PTPRN2: variants seen among roughly 807,000 people sequenced by gnomAD.
The protein encoded by PTPRN2 is receptor-type tyrosine-protein phosphatase N2.
A neutral mutation model predicts 118.8 loss-of-function variants in PTPRN2; 74 were observed. The observed-to-expected ratio is 0.62, with a 90% CI of 0.52 to 0.76. The LOEUF (loss-of-function observed/expected upper bound fraction) is 0.76. Ranked by LOEUF, PTPRN2 falls within the 30% of genes least tolerant of loss-of-function variation. The pLI, the probability that PTPRN2 is intolerant of heterozygous loss-of-function variation, is 0.00. For missense variants in PTPRN2, 1,481 were observed against 1,394.4 expected (o/e 1.06, Z -0.99); for synonymous variants, 641 against 608.0 (o/e 1.05, Z -0.80).
chr7:158,174,511 T>TCATCCACACCATCCACAGCAG, intron 5 of PTPRN2, among the ~76,000 whole-genome samples: 1 of 151,774 alleles, frequency 6.6e-6, no homozygotes, highest in Non-Finnish European at 1.5e-5. Context: ...AGCACCATCA[T>TCATCCACACCATCCACAGCAG]CATCCACACC....
chr7:157,799,610 C>T (rs1258914515), intron 12 of PTPRN2, among the ~76,000 whole-genome samples: 1 of 152,144 alleles, frequency 6.6e-6, no homozygotes, highest in Non-Finnish European at 1.5e-5. Context: ...AGCGTGTGCT[C>T]CTCAGGCCCA....
At position 158,136,624 on chromosome 7, in the gene PTPRN2, C is replaced by T. The variant is rs184166798; in HGVS notation, c.1173+31G>A. The T allele has an allele frequency of 2.6e-5, 41 of 1,604,716 alleles. No individual in the cohort carries two copies. The East Asian group carries it at 8.0e-4, about 31-fold the overall frequency. On this transcript the variant is annotated intron_variant, in intron 8 of 22. Transcript: ENST00000389418. ...AAAGATCACCAACTTCCACATTTAACATGAAACAAACACCAGAGACGTCAT... is the reference window on the plus strand; with the variant it reads ...AAAGATCACCAACTTCCACATTTAATATGAAACAAACACCAGAGACGTCAT...
rs117351623 is a variant in PTPRN2, at chr7:158,323,426, G to A, written c.164-6494C>T. Among the ~76,000 whole-genome samples the A allele has an allele frequency of 6.0e-3, 914 of 152,360 alleles. 7 individuals carry two copies. The highest frequency in any genetic ancestry group is 0.014 in the South Asian group (68 of 4,828). On this transcript the variant is annotated intron_variant, in intron 2 of 22. Transcript: ENST00000389418. The stretch of plus-strand genomic sequence containing the variant: ...ACTGCCTCTGGGACCGGAATGGACA[G>A]TGCTAAAGACAGTGAGAGAAGGAAT...
At chr7:157,777,952 C>T (rs1322648722) in intron 12 of PTPRN2, among the ~76,000 whole-genome samples, 2 of 149,288 alleles carry the variant, frequency 1.3e-5, no homozygotes, top group Non-Finnish European at 3.0e-5. Flanking sequence ...ATTAAAGGAC[C>T]TTTAGAAAAA....
At position 157,604,079 on chromosome 7, in the gene PTPRN2, C is replaced by T; in HGVS notation, c.2345-4G>A. ...AGCAGGACCCGGGAGTGGTCATCTG[C>T]AAGGACACAGTGCAGGGGTCAGAGG... On this transcript the variant is annotated splice_polypyrimidine_tract_variant and splice_region_variant and intron_variant, in intron 15 of 22. Coordinates refer to ENST00000389418, the MANE Select transcript of PTPRN2 (RefSeq NM_002847.5). 1 of 1,613,612 alleles carries T rather than the reference C, an allele frequency of 6.2e-7. No individual in the cohort carries two copies. The highest frequency in any genetic ancestry group is 8.5e-7 in the Non-Finnish European group (1 of 1,179,908).
At chr7:158,180,280 G>T (rs1278668542) in intron 5 of PTPRN2, among the ~76,000 whole-genome samples, 1 of 152,208 alleles carries the variant, frequency 6.6e-6, no homozygotes, top group East Asian at 1.9e-4. Context: ...AGATCAGTTG[G>T]TTGTAAGTGT....
Position 158,274,344 on chromosome 7 carries a change from A to AGGAGCCGCAGACACGGG in PTPRN2, c.277+42474_277+42475insCCCGTGTCTGCGGCTCC, listed in dbSNP as rs11402798. ...CCACAGGGGGAGCCGCAGACGCGGG[A>AGGAGCCGCAGACACGGG]GAGCCACAGACACAGGGGGAGCCGC... On this transcript the variant is annotated intron_variant, in intron 3 of 22. Transcript: ENST00000389418. Among the ~76,000 whole-genome samples the AGGAGCCGCAGACACGGG allele has an allele frequency of 2.4e-4, 27 of 112,888 alleles. 2 individuals are homozygous for AGGAGCCGCAGACACGGG. The highest frequency in any genetic ancestry group is 9.5e-4 in the African/African-American group (24 of 25,270). 74.1% of individuals were successfully genotyped at this position (112,888 alleles called of 152,430 possible).
chr7:157,752,537 CTCT>C (rs1801540060), intron 12 of PTPRN2, among the ~76,000 whole-genome samples: 1 of 152,136 alleles, frequency 6.6e-6, no homozygotes, highest in Non-Finnish European at 1.5e-5. Flanking sequence ...CGCGCACTCT[CTCT>C]TCTGCTTCCC....
At chr7:158,460,013 C>A (rs1325153640) in intron 2 of PTPRN2, among the ~76,000 whole-genome samples, 1 of 60,890 alleles carries the variant, frequency 1.6e-5, no homozygotes, top group African/African-American at 6.9e-5. Flanking sequence ...ACATGCTCCT[C>A]CTAGAGGGGC....
chr7:158,247,205 G>A (rs1214127223), intron 3 of PTPRN2, among the ~76,000 whole-genome samples: 2 of 152,190 alleles, frequency 1.3e-5, no homozygotes, highest in African/African-American at 4.8e-5. Context: ...CCCCCAGCAT[G>A]GCCAGGAGCA....
rs867939095 is a variant in PTPRN2 at position 158,334,712 on chromosome 7, G to T, written c.164-17780C>A. 6.5e-3 allele frequency among the ~76,000 whole-genome samples: 63 copies of T among 9,626 alleles called. 1 individual carries two copies. The highest frequency in any genetic ancestry group is 0.12 in the Middle Eastern group (1 of 8). The allele number at this position is 9,626 out of a possible 152,430, so 6.3% of individuals were successfully genotyped here. On this transcript the variant is annotated intron_variant, in intron 2 of 22. Transcript: ENST00000389418. ...ACTCTCACCATAAGAGGTGACACCT[G>T]CAGACGTCACACCCACACTCTCACC... is the stretch of plus-strand genomic sequence containing the variant.
At chr7:157,835,199 A>AGAGAACTCT (rs1262276150) in intron 12 of PTPRN2, among the ~76,000 whole-genome samples, 1 of 152,214 alleles carries the variant, frequency 6.6e-6, no homozygotes, top group Non-Finnish European at 1.5e-5. Flanking sequence ...GGTGGCTGGA[A>AGAGAACTCT]GAGAACTCTG....
chr7:158,508,936 G>A (rs1822980243), intron 1 of PTPRN2, among the ~76,000 whole-genome samples: 1 of 150,576 alleles, frequency 6.6e-6, no homozygotes, highest in African/African-American at 2.5e-5. Context: ...CTCTGCTCCT[G>A]TGGGTGTCAG....
At chr7:157,943,652 C>A (rs1393410948) in intron 11 of PTPRN2, among the ~76,000 whole-genome samples, 1 of 151,808 alleles carries the variant, frequency 6.6e-6, no homozygotes, top group African/African-American at 2.4e-5. Flanking sequence ...AAGGAAGCCC[C>A]CCACCCCCAG....
intron 12 of PTPRN2, among the ~76,000 whole-genome samples, chr7:157,760,918 C>CTAAT (rs1450150997): frequency 6.6e-6 from 1 of 152,124 alleles, no homozygotes; most frequent in East Asian, 1.9e-4. Flanking sequence ...CTTCTCCTGC[C>CTAAT]TAATTGCCCT....
At chr7:157,962,818 A>C (rs1409787283) in intron 11 of PTPRN2, among the ~76,000 whole-genome samples, 2 of 152,304 alleles carry the variant, frequency 1.3e-5, no homozygotes, top group African/African-American at 4.8e-5. Flanking sequence ...AGGACCATAT[A>C]TGGCATGGAC....
intron 12 of PTPRN2, among the ~76,000 whole-genome samples, chr7:157,744,719 C>T (rs1241518243): frequency 3.9e-5 from 6 of 152,094 alleles, no homozygotes; most frequent in African/African-American, 1.4e-4. Context: ...TGTGGAAGGG[C>T]CCCCAAGGAC....
intron 9 of PTPRN2, among the ~76,000 whole-genome samples, chr7:158,131,371 GACAC>G (rs961501112): frequency 2.4e-5 from 2 of 81,824 alleles, no homozygotes. Context: ...ACATCTACCC[GACAC>G]ACACACTCAT....
chr7:158,274,003 G>GGA, intron 3 of PTPRN2, among the ~76,000 whole-genome samples: 2 of 125,732 alleles, frequency 1.6e-5, no homozygotes, highest in African/African-American at 6.5e-5. Context: ...CGCAGACACA[G>GGA]GGAGCCGCAG....
Sources: gnomAD v4.1 joint callset for allele counts (sites outside exome capture counted in the v4.1 genomes callset) on GRCh38, gnomAD v4.1.1 for gene constraint, MANE v1.5 for transcripts, NCBI Gene and HGNC (gene_info 2026-07-23, HGNC 2026-07-21) for gene names.